DNAH17: variants seen among roughly 807,000 people sequenced by gnomAD.
DNAH17 encodes the protein axonemal beta dynein heavy chain 17.
DNAH17 carries 376 observed loss-of-function variants against 485.6 expected under a neutral mutation model. That is an observed-to-expected ratio of 0.77 (90% CI 0.71 to 0.84). DNAH17 has a LOEUF of 0.84. Ranked by LOEUF, DNAH17 falls within the 40% of genes least tolerant of loss-of-function variation. DNAH17 has a pLI of 0.00. For missense variants in DNAH17, 6,370 were observed against 5,839.3 expected (o/e 1.09, Z -2.96); for synonymous variants, 3,031 against 2,405.9 (o/e 1.26, Z -7.60).
rs1465041914 is a variant in DNAH17, at chr17:78,497,364, G to C, written c.5746-1332C>G. On this transcript the variant is annotated intron_variant, in intron 37 of 80. Transcript: ENST00000389840. ...GACAGCCAAGTCCTGGTGCCCTGGTGATCCCAGACACCCCCATGCCCAGTC... is the reference window on the plus strand; with the variant it reads ...GACAGCCAAGTCCTGGTGCCCTGGTCATCCCAGACACCCCCATGCCCAGTC... 2.6e-5 allele frequency among the ~76,000 whole-genome samples: 4 copies of C among 152,272 alleles called. No individual in the cohort carries two copies. In the East Asian group the frequency reaches 7.7e-4, roughly 29 times the overall value.
At chr17:78,542,680 A>G (rs960728454) in intron 17 of DNAH17, among the ~76,000 whole-genome samples, 2 of 152,174 alleles carry the variant, frequency 1.3e-5, no homozygotes, top group Non-Finnish European at 2.9e-5. Flanking sequence ...GGCTCCCAGG[A>G]GGCTGGTAGG....
At chr17:78,486,186 G>C (rs1049429521) in intron 45 of DNAH17, 38 bp downstream of exon 45, 3 of 1,593,060 alleles carry the variant, frequency 1.9e-6, no homozygotes, top group African/African-American at 2.7e-5. Flanking sequence ...GATGCTGAGA[G>C]ACCCTGTGTG....
chr17:78,557,155 G>A (rs1001724535), intron 14 of DNAH17, among the ~76,000 whole-genome samples: 3 of 152,154 alleles, frequency 2.0e-5, no homozygotes, highest in Non-Finnish European at 4.4e-5. Flanking sequence ...GCTGAGCAGG[G>A]ACCGCCACCT....
In DNAH17 at chr17:78,476,613, A is replaced by G; in HGVS notation, c.8113T>C (p.Leu2705=). The change falls in exon 52 of 81, where the codon TTG becomes CTG. Residue 2705 remains leucine (L), a synonymous_variant. Transcript: ENST00000389840. ...KMVDEKDQET[L]HRVTMASTKK... is the part of the protein sequence containing the mutation. ...GTGGAGGCCATGGTGACTCTATGCA[A>G]TGTTTCCTGGTCTTTTTCGTCAACC... 6.2e-7 allele frequency: 1 copy of G among 1,611,630 alleles called. No individual in the cohort carries two copies. The highest frequency in any genetic ancestry group is 8.5e-7 in the Non-Finnish European group (1 of 1,178,892).
chr17:78,546,499 C>G (rs1375673936), intron 16 of DNAH17, among the ~76,000 whole-genome samples: 1 of 152,126 alleles, frequency 6.6e-6, no homozygotes, highest in East Asian at 1.9e-4. Context: ...AAAACTATAG[C>G]TTATTTGCTT....
chr17:78,449,931 C>A, intron 68 of DNAH17: 1 of 455,456 alleles, frequency 2.2e-6, no homozygotes, highest in Admixed American at 3.6e-5. Context: ...CCGCCTCGGC[C>A]CCCCATAGTG....
Position 78,519,418 on chromosome 17 carries a change from C to G in DNAH17, c.3865-4396G>C, listed in dbSNP as rs535994482. ...AACTAGAAAATGAGCAAGATAAACC[C>G]AAAGCAAAGGAAGGAACAAAATAAT... On this transcript the variant is annotated intron_variant, in intron 25 of 80. Transcript: ENST00000389840. Among the ~76,000 whole-genome samples, 3 of 152,002 alleles carry G rather than the reference C, an allele frequency of 2.0e-5. No individual in the cohort carries two copies. In the East Asian group the frequency reaches 5.8e-4, roughly 29 times the overall value.
chr17:78,485,772 G>C lies in DNAH17; in HGVS notation c.7276-15C>G, dbSNP rs755990218. On this transcript the variant is annotated splice_polypyrimidine_tract_variant and intron_variant, in intron 46 of 80. Transcript: ENST00000389840. The stretch of plus-strand genomic sequence containing the variant: ...ACCAAAGAGGCCTGGGGCAGGGGAG[G>C]GAAGGGGAGGGAGCTGTGATTCTCA... 6.8e-6 allele frequency: 11 copies of C among 1,611,560 alleles called. No homozygotes were observed. In the African/African-American group the frequency reaches 1.2e-4, roughly 18 times the overall value.
chr17:78,517,967 T>G (rs990473200), intron 25 of DNAH17, among the ~76,000 whole-genome samples: 6 of 152,176 alleles, frequency 3.9e-5, no homozygotes, highest in African/African-American at 1.4e-4. Context: ...TGACAAAATG[T>G]TGATATCAGT....
Position 78,551,230 on chromosome 17 carries a change from C to T in DNAH17, c.2391+305G>A, listed in dbSNP as rs887106863. The stretch of plus-strand genomic sequence containing the variant: ...CTGCTTCTGTACTGAGCAACGGGCT[C>T]GTTCCCAGTGGGGGTGAGTCTTGGC... On this transcript the variant is annotated intron_variant, in intron 16 of 80. Transcript: ENST00000389840. 9.2e-5 allele frequency among the ~76,000 whole-genome samples: 14 copies of T among 152,206 alleles called. 1 individual carries two copies. Among genetic ancestry groups the T allele is most frequent in the Admixed American group, 3.3e-4 (5 of 15,282 alleles).
intron 25 of DNAH17, among the ~76,000 whole-genome samples, chr17:78,524,088 G>A (rs2143224767): frequency 6.6e-6 from 1 of 152,256 alleles, no homozygotes; most frequent in South Asian, 2.1e-4. Context: ...CCTTTGGGAG[G>A]TGATGAGGTC....
rs1360336334 is a variant in DNAH17, at chr17:78,447,635, G to A, written c.11211+1779C>T. ...GACCAAAGAGAATGCTTTCTACCCTGGAAAATTAGGGGGAGCACTGAGGAA... is the reference window on the plus strand; with the variant it reads ...GACCAAAGAGAATGCTTTCTACCCTAGAAAATTAGGGGGAGCACTGAGGAA... On this transcript the variant is annotated intron_variant, in intron 69 of 80. Coordinates refer to ENST00000389840, the MANE Select transcript of DNAH17 (RefSeq NM_173628.4). Among the ~76,000 whole-genome samples the A allele has an allele frequency of 2.0e-5, 3 of 152,276 alleles. No individual in the cohort carries two copies. In the East Asian group the frequency reaches 5.8e-4, roughly 29 times the overall value.
rs774672736 is a variant in DNAH17, at chr17:78,478,495, CATT to C, written c.7992+527_7992+529del. The stretch of plus-strand genomic sequence containing the variant: ...TCATCACCACCATCACTATCACCAT[CATT>C]ATCACCACCATCACCCTCACCACCA... On this transcript the variant is annotated intron_variant, in intron 51 of 80. Coordinates refer to ENST00000389840, the MANE Select transcript of DNAH17 (RefSeq NM_173628.4). Among the ~76,000 whole-genome samples, 313 of 150,722 alleles carry C rather than the reference CATT, an allele frequency of 2.1e-3. 1 individual carries two copies. The highest frequency in any genetic ancestry group is 4.0e-3 in the Admixed American group (61 of 15,204).
intron 25 of DNAH17, 107 bp downstream of exon 25, chr17:78,524,902 T>C (rs150454688): frequency 4.8e-6 from 7 of 1,461,270 alleles, no homozygotes; most frequent in Non-Finnish European, 6.4e-6. Flanking sequence ...GAAACCTTCT[T>C]GTCACATTCT....
At chr17:78,545,798 T>C (rs1340760997) in intron 16 of DNAH17, among the ~76,000 whole-genome samples, 2 of 152,212 alleles carry the variant, frequency 1.3e-5, no homozygotes, top group African/African-American at 4.8e-5. Flanking sequence ...AACAATATTC[T>C]CATTGGGAAC....
Position 78,532,731 on chromosome 17 carries a change from G to A in DNAH17, c.2865C>T (p.Asp955=), listed in dbSNP as rs1030135488. The stretch of plus-strand genomic sequence containing the variant: ...CTATGAGGTCTGTGTTATCTTCCAG[G>A]TCCATCTGAAAGGGGCAGGGGAGAA... ...LAKDRMNYKM[D]LEDNTDLIEM... Residue 955 remains aspartate, a synonymous_variant, in exon 20 of 81, where the codon GAC becomes GAT. Coordinates refer to ENST00000389840, the MANE Select transcript of DNAH17 (RefSeq NM_173628.4). 1.6e-5 allele frequency: 26 copies of A among 1,591,364 alleles called. No individual in the cohort carries two copies. Among genetic ancestry groups the A allele is most frequent in the Non-Finnish European group, 2.1e-5 (25 of 1,167,428 alleles).
chr17:78,427,553 T>A (rs910181109), intron 77 of DNAH17, among the ~76,000 whole-genome samples: 7 of 152,212 alleles, frequency 4.6e-5, no homozygotes, highest in African/African-American at 1.4e-4. Context: ...CAATTCCTGA[T>A]TTCAGTCATT....
Position 78,510,629 on chromosome 17 carries a change from A to G in DNAH17, c.4114-123T>C, listed in dbSNP as rs551231044. 72 of 1,340,914 alleles carry G rather than the reference A, an allele frequency of 5.4e-5. No homozygotes were observed. The East Asian group carries it at 1.7e-3, about 32-fold the overall frequency. 83.1% of individuals were successfully genotyped at this position (1,340,914 alleles called of 1,614,324 possible). On this transcript the variant is annotated intron_variant, in intron 26 of 80. Coordinates refer to ENST00000389840, the MANE Select transcript of DNAH17 (RefSeq NM_173628.4). ...CGATCCCGGGCTGCTGGAGGGAGGG[A>G]GGCGAGCTCTGCTCTGCCATTTTCA...
chr17:78,493,989 C>T (rs1249861508), intron 41 of DNAH17, 47 bp downstream of exon 41: 2 of 1,582,108 alleles, frequency 1.3e-6, no homozygotes, highest in East Asian at 2.3e-5. Context: ...CCCAGCCCTC[C>T]CCCACCATGC....
Sources: gnomAD v4.1 joint callset for allele counts (sites outside exome capture counted in the v4.1 genomes callset) on GRCh38, gnomAD v4.1.1 for gene constraint, MANE v1.5 for transcripts, NCBI Gene and HGNC (gene_info 2026-07-23, HGNC 2026-07-21) for gene names.